Variants in CDH12 observed in about 807,000 individuals in gnomAD.
The protein encoded by CDH12 is cadherin 12.
In CDH12, 41 loss-of-function variants were observed where a neutral mutation model predicts 74.1. The observed-to-expected ratio is 0.55, with a 90% CI of 0.43 to 0.72. The LOEUF is 0.72. CDH12 is among the 30% of genes least tolerant of loss of function. The pLI, the probability that CDH12 is intolerant of heterozygous loss-of-function variation, is 0.00. For synonymous variants in CDH12, 399 were observed against 355.0 expected (o/e 1.12, Z -1.39); for missense variants, 945 against 977.2 (o/e 0.97, Z 0.44).
intron 2 of CDH12, among the ~76,000 whole-genome samples, chr5:22,496,755 C>T (rs1332442274): frequency 6.6e-6 from 1 of 152,082 alleles, no homozygotes; most frequent in Non-Finnish European, 1.5e-5. Flanking sequence ...GAAAGGCTTC[C>T]TTCATTTAAT....
intron 1 of CDH12, among the ~76,000 whole-genome samples, chr5:22,780,694 G>T (rs1747343964): frequency 6.6e-6 from 1 of 152,086 alleles, no homozygotes; most frequent in African/African-American, 2.4e-5. Context: ...GATGAGAGTT[G>T]GGTGGGAACA....
chr5:22,637,958 G>A (rs1291223038), intron 1 of CDH12, among the ~76,000 whole-genome samples: 1 of 152,138 alleles, frequency 6.6e-6, no homozygotes, highest in East Asian at 1.9e-4. Context: ...TAAGCAAGAA[G>A]AACCCAAGAA....
chr5:22,510,664 T>A (rs769954054), intron 1 of CDH12, among the ~76,000 whole-genome samples: 1 of 152,172 alleles, frequency 6.6e-6, no homozygotes, highest in South Asian at 2.1e-4. Flanking sequence ...CTTTAAATCA[T>A]CTCTAGATTA....
At chr5:22,148,021 C>T (rs1747319812) in intron 4 of CDH12, among the ~76,000 whole-genome samples, 2 of 152,184 alleles carry the variant, frequency 1.3e-5, no homozygotes, top group South Asian at 4.1e-4. Context: ...CTAAAGTACA[C>T]AAACCATGTT....
intron 4 of CDH12, among the ~76,000 whole-genome samples, chr5:22,113,002 A>G (rs564451728): frequency 6.6e-6 from 1 of 152,280 alleles, no homozygotes; most frequent in East Asian, 1.9e-4. Context: ...TTAAGATGAA[A>G]TCATCATCTG....
intron 3 of CDH12, among the ~76,000 whole-genome samples, chr5:22,258,811 C>T (rs6871086): frequency 0.038 from 5,835 of 152,222 alleles, 387 homozygotes; most frequent in African/African-American, 0.13. Context: ...GGCTATACCA[C>T]GTAGCCTAGG....
chr5:22,414,501 T>C (rs1356135982), intron 2 of CDH12, among the ~76,000 whole-genome samples: 2 of 152,008 alleles, frequency 1.3e-5, no homozygotes, highest in Non-Finnish European at 2.9e-5. Context: ...ATAGAATCTT[T>C]CAAAAGCAAA....
intron 6 of CDH12, among the ~76,000 whole-genome samples, chr5:21,880,505 C>CCTTCCTTCCTTCCTTCCTTCCTT (rs1304688195): frequency 1.6e-4 from 1 of 6,114 alleles, no homozygotes; most frequent in African/African-American, 2.6e-4. Flanking sequence ...CTTCCTTCCT[C>CCTTCCTTCCTTCCTTCCTTCCTT]CCTCCCTCCC....
intron 1 of CDH12, among the ~76,000 whole-genome samples, chr5:22,707,178 A>T: frequency 6.6e-6 from 1 of 152,190 alleles, no homozygotes; most frequent in East Asian, 1.9e-4. Context: ...CCTACTAAAT[A>T]TGCATAAATC....
chr5:21,835,284 C>T (rs1291918261), intron 8 of CDH12, among the ~76,000 whole-genome samples: 3 of 151,446 alleles, frequency 2.0e-5, no homozygotes, highest in East Asian at 3.9e-4. Flanking sequence ...TATATATATA[C>T]ACACACACAT....
chr5:21,891,629 CTT>C (rs1245188751), intron 6 of CDH12, among the ~76,000 whole-genome samples: 1 of 145,004 alleles, frequency 6.9e-6, no homozygotes, highest in Non-Finnish European at 1.5e-5. Flanking sequence ...TCTTACAAGT[CTT>C]TTTAGCAGAC....
chr5:21,827,115 A>C (rs1325321461), intron 8 of CDH12, among the ~76,000 whole-genome samples: 1 of 152,160 alleles, frequency 6.6e-6, no homozygotes, highest in Non-Finnish European at 1.5e-5. Context: ...AATGGCCATG[A>C]GGTGAGTCAA....
chr5:22,121,473 C>T (rs1248857412), intron 4 of CDH12, among the ~76,000 whole-genome samples: 1 of 152,158 alleles, frequency 6.6e-6, no homozygotes, highest in Non-Finnish European at 1.5e-5. Context: ...CTGCCTAATA[C>T]GTCATGAATG....
chr5:22,228,995 G>C (rs1198312438), intron 3 of CDH12, among the ~76,000 whole-genome samples: 1 of 151,970 alleles, frequency 6.6e-6, no homozygotes, highest in South Asian at 2.1e-4. Flanking sequence ...TACTATAATT[G>C]TTCAAGTGAG....
intron 1 of CDH12, among the ~76,000 whole-genome samples, chr5:22,593,606 C>T (rs1431471283): frequency 6.6e-6 from 1 of 152,020 alleles, no homozygotes; most frequent in Non-Finnish European, 1.5e-5. Flanking sequence ...CTTTTTGTAA[C>T]ATTTAAAAAA....
chr5:22,227,766 C>T (rs1359607538), intron 3 of CDH12, among the ~76,000 whole-genome samples: 1 of 152,150 alleles, frequency 6.6e-6, no homozygotes, highest in Non-Finnish European at 1.5e-5. Flanking sequence ...CCAACCTTAA[C>T]ACTTCAGTGG....
chr5:21,930,131 T>G (rs1052592472), intron 6 of CDH12, among the ~76,000 whole-genome samples: 1 of 152,166 alleles, frequency 6.6e-6, no homozygotes, highest in African/African-American at 2.4e-5. Flanking sequence ...ATCACAGATT[T>G]AATGAGTGAA....
At chr5:22,329,672 C>T (rs957433775) in intron 3 of CDH12, among the ~76,000 whole-genome samples, 3 of 152,192 alleles carry the variant, frequency 2.0e-5, no homozygotes, top group Admixed American at 6.6e-5. Flanking sequence ...CCCCCAGCAG[C>T]GGCCCTGATA....
At chr5:22,238,209 C>T (rs1352535125) in intron 3 of CDH12, among the ~76,000 whole-genome samples, 2 of 152,162 alleles carry the variant, frequency 1.3e-5, no homozygotes, top group Non-Finnish European at 2.9e-5. Flanking sequence ...CGGAGAAGAG[C>T]TTCTCCAAGA....
Sources: gnomAD v4.1 joint callset for allele counts (sites outside exome capture counted in the v4.1 genomes callset) on GRCh38, gnomAD v4.1.1 for gene constraint, MANE v1.5 for transcripts, NCBI Gene and HGNC (gene_info 2026-07-23, HGNC 2026-07-21) for gene names.